The following MDGA2 variants were observed in gnomAD, a reference collection of about 807,000 sequenced individuals.
MDGA2 encodes the protein MAM domain-containing glycosylphosphatidylinositol anchor protein 2.
In MDGA2, 40 loss-of-function variants were observed where a neutral mutation model predicts 117.8. That is an observed-to-expected ratio of 0.34 (90% CI 0.26 to 0.44). MDGA2 has a LOEUF of 0.44. Among genes scored for constraint, MDGA2 ranks in the 20% least tolerant of loss-of-function variants. The pLI is 1.00. For missense variants in MDGA2, 1,123 were observed against 1,250.6 expected, an observed-to-expected ratio of 0.90 and a Z score of 1.54; for synonymous variants, 452 against 439.0, an observed-to-expected ratio of 1.03 and a Z score of -0.37.
At chr14:47,197,648 C>T (rs7160475) in intron 3 of MDGA2, among the ~76,000 whole-genome samples, 33,497 of 152,042 alleles carry the variant, frequency 0.22, 4,194 homozygotes, top group African/African-American at 0.33. Context: ...TGGTGGTTTA[C>T]GCCTGTAATC....
At chr14:47,381,480 A>G (rs1040274596) in intron 1 of MDGA2, among the ~76,000 whole-genome samples, 2 of 152,178 alleles carry the variant, frequency 1.3e-5, no homozygotes, top group Non-Finnish European at 2.9e-5. Flanking sequence ...TCAGCCCAAA[A>G]TCTCCTTAGG....
intron 1 of MDGA2, among the ~76,000 whole-genome samples, chr14:47,580,554 CA>C (rs1896211234): frequency 6.6e-6 from 1 of 151,840 alleles, no homozygotes; most frequent in Non-Finnish European, 1.5e-5. Context: ...TAAGCTCTAT[CA>C]ACAGAAGATC....
chr14:47,569,165 C>T (rs1171868755), intron 1 of MDGA2, among the ~76,000 whole-genome samples: 2 of 151,920 alleles, frequency 1.3e-5, no homozygotes, highest in African/African-American at 4.8e-5. Flanking sequence ...AAAAACAAAA[C>T]AAAATTCAAC....
At chr14:47,499,261 G>A (rs1001891979) in intron 1 of MDGA2, among the ~76,000 whole-genome samples, 2 of 151,970 alleles carry the variant, frequency 1.3e-5, no homozygotes, top group Non-Finnish European at 2.9e-5. Context: ...CTTAAATCCC[G>A]AGCAAATCTT....
intron 6 of MDGA2, among the ~76,000 whole-genome samples, chr14:47,069,739 A>G (rs1890212056): frequency 6.6e-6 from 1 of 152,344 alleles, no homozygotes; most frequent in African/African-American, 2.4e-5. Flanking sequence ...GAGATGTAGA[A>G]TATTGCAACC....
At chr14:47,291,902 C>T (rs1287564344) in intron 2 of MDGA2, among the ~76,000 whole-genome samples, 1 of 152,110 alleles carries the variant, frequency 6.6e-6, no homozygotes, top group Non-Finnish European at 1.5e-5. Flanking sequence ...GAGCGTTAGC[C>T]CTGATCTAGG....
chr14:47,277,983 G>A (rs1888358557), intron 2 of MDGA2, among the ~76,000 whole-genome samples: 1 of 152,094 alleles, frequency 6.6e-6, no homozygotes, highest in Non-Finnish European at 1.5e-5. Context: ...CCAGGCATCA[G>A]CCAGCAGAGG....
At chr14:47,024,008 CAA>C (rs1200357200) in intron 8 of MDGA2, among the ~76,000 whole-genome samples, 2 of 152,070 alleles carry the variant, frequency 1.3e-5, no homozygotes, top group African/African-American at 4.8e-5. Flanking sequence ...TCATAAAAGA[CAA>C]AGAAGAAAAA....
chr14:46,960,949 TAC>T (rs57182570), intron 8 of MDGA2, among the ~76,000 whole-genome samples: 225 of 147,758 alleles, frequency 1.5e-3, no homozygotes, highest in East Asian at 2.4e-3. Flanking sequence ...TATATATATA[TAC>T]ACACACACAC....
At chr14:47,006,385 ATTATAATTATATAATTAAAATTATAT>A (rs1181370448) in intron 8 of MDGA2, among the ~76,000 whole-genome samples, 16 of 146,290 alleles carry the variant, frequency 1.1e-4, no homozygotes, top group Non-Finnish European at 1.8e-4. Context: ...AAATATTATA[ATTATAATTATATAATTAAAATTATAT>A]TTATAATTAT....
chr14:47,023,205 A>AAAAAAAAAAAAAAAAAAAAAG (rs1888354943), intron 8 of MDGA2, among the ~76,000 whole-genome samples: 1 of 146,440 alleles, frequency 6.8e-6, no homozygotes, highest in Non-Finnish European at 1.5e-5. Flanking sequence ...TCGTAAAAAA[A>AAAAAAAAAAAAAAAAAAAAAG]AAAAAAAAAA....
chr14:46,946,868 G>A (rs1227066933), intron 9 of MDGA2, among the ~76,000 whole-genome samples: 1 of 152,040 alleles, frequency 6.6e-6, no homozygotes, highest in South Asian at 2.1e-4. Flanking sequence ...TCCCTACCAT[G>A]ACTGACAGGT....
intron 1 of MDGA2, among the ~76,000 whole-genome samples, chr14:47,525,460 A>C (rs909239515): frequency 1.3e-5 from 2 of 152,146 alleles, no homozygotes; most frequent in Non-Finnish European, 2.9e-5. Flanking sequence ...CAAGGCAGGC[A>C]GATCACCTGA....
At chr14:47,623,240 C>A (rs1005500826) in intron 1 of MDGA2, among the ~76,000 whole-genome samples, 1 of 152,152 alleles carries the variant, frequency 6.6e-6, no homozygotes, top group Non-Finnish European at 1.5e-5. Flanking sequence ...AAGGCCCTCA[C>A]TAGATGCCAG....
At chr14:47,155,220 C>A (rs1415902035) in intron 3 of MDGA2, among the ~76,000 whole-genome samples, 1 of 152,102 alleles carries the variant, frequency 6.6e-6, no homozygotes, top group African/African-American at 2.4e-5. Context: ...GCCTTGCTCA[C>A]GCCTGTAGTT....
intron 1 of MDGA2, among the ~76,000 whole-genome samples, chr14:47,597,275 A>T (rs1896560905): frequency 6.6e-6 from 1 of 152,188 alleles, no homozygotes; most frequent in Admixed American, 6.5e-5. Context: ...TCAATAAATG[A>T]TATATATGAA....
intron 2 of MDGA2, among the ~76,000 whole-genome samples, chr14:47,295,406 C>A (rs893545958): frequency 1.3e-5 from 2 of 152,144 alleles, no homozygotes; most frequent in African/African-American, 2.4e-5. Flanking sequence ...CTACTGAGAA[C>A]TTCCTTTTAA....
intron 5 of MDGA2, among the ~76,000 whole-genome samples, chr14:47,104,033 T>C (rs918833740): frequency 6.6e-6 from 1 of 152,226 alleles, no homozygotes; most frequent in South Asian, 2.1e-4. Context: ...TAACTGACTT[T>C]GTATGTTTAC....
At chr14:47,417,437 A>G (rs1892496699) in intron 1 of MDGA2, among the ~76,000 whole-genome samples, 1 of 152,166 alleles carries the variant, frequency 6.6e-6, no homozygotes, top group Non-Finnish European at 1.5e-5. Flanking sequence ...CTGAGACCTC[A>G]TAACAATAGC....
Sources: allele counts gnomAD v4.1 joint callset (sites outside exome capture counted in the v4.1 genomes callset), GRCh38; gene constraint gnomAD v4.1.1; transcripts MANE v1.5; gene names NCBI Gene and HGNC (gene_info 2026-07-23, HGNC 2026-07-21).